The following GSE1 variants were observed in gnomAD, a reference collection of about 807,000 sequenced individuals.
The protein encoded by GSE1 is Gse1 coiled-coil protein, also known as genetic suppressor element 1.
Under a neutral mutation model 112.6 loss-of-function variants are expected in GSE1, and 32 were observed. The observed-to-expected ratio is 0.28, with a 90% CI of 0.21 to 0.38. The LOEUF is 0.38. Ranked by LOEUF, GSE1 falls within the 10% of genes least tolerant of loss-of-function variation. GSE1 has a pLI of 1.00. For synonymous variants in GSE1, 1,115 were observed against 735.6 expected (o/e 1.52, Z -8.35); for missense variants, 2,348 against 1,699.2 (o/e 1.38, Z -6.71).
intron 1 of GSE1, among the ~76,000 whole-genome samples, chr16:85,588,037 G>C (rs2046789532): frequency 6.6e-6 from 1 of 152,190 alleles, no homozygotes; most frequent in Non-Finnish European, 1.5e-5. Flanking sequence ...GGGAGGCAGT[G>C]TCTCTTCGTC....
At chr16:85,231,482 A>G (rs1904286336) in intron 1 of GSE1, among the ~76,000 whole-genome samples, 3 of 151,554 alleles carry the variant, frequency 2.0e-5, no homozygotes, top group African/African-American at 7.3e-5. Context: ...ATGGATGAAT[A>G]GATGGATGGA....
At chr16:85,648,869 C>T (rs1384233295) in intron 3 of GSE1, 118 bp downstream of exon 3, 2 of 551,500 alleles carry the variant, frequency 3.6e-6, no homozygotes, top group African/African-American at 2.0e-5. Context: ...CCCCCTCCCC[C>T]ACCCTGAGTT....
At chr16:85,437,166 C>T (rs894982311) in intron 2 of GSE1, among the ~76,000 whole-genome samples, 1 of 152,126 alleles carries the variant, frequency 6.6e-6, no homozygotes, top group African/African-American at 2.4e-5. Flanking sequence ...GTCCCCCAAC[C>T]CTCTGAGGCC....
At chr16:85,199,430 T>G (rs1423041354) in intron 1 of GSE1, among the ~76,000 whole-genome samples, 3 of 152,210 alleles carry the variant, frequency 2.0e-5, no homozygotes, top group Non-Finnish European at 4.4e-5. Flanking sequence ...GGGCCGAGTC[T>G]TCTGACCAAA....
intron 1 of GSE1, among the ~76,000 whole-genome samples, chr16:85,186,906 A>T (rs548629042): frequency 1.6e-4 from 25 of 152,118 alleles, no homozygotes; most frequent in Non-Finnish European, 2.9e-4. Flanking sequence ...TATCTCACTG[A>T]CCCTGTAAAC....
chr16:85,459,024 A>C (rs112767304), intron 2 of GSE1, among the ~76,000 whole-genome samples: 3,448 of 152,110 alleles, frequency 0.023, 125 homozygotes, highest in African/African-American at 0.079. Flanking sequence ...CGCTCCTGCC[A>C]CCCTGTGCCT....
rs1332950101 is a variant in GSE1 at position 85,661,686 on chromosome 16, T to G, written c.2181T>G (p.Asp727Glu). 5 of 1,609,464 alleles carry G rather than the reference T, an allele frequency of 3.1e-6. No homozygotes were observed. Among genetic ancestry groups the G allele is most frequent in the Non-Finnish European group, 4.2e-6 (5 of 1,178,532 alleles). ...CCCCCGACCCTGCCTACATCTATGA[T>G]GAGTTCCTGCAGCAGCGCCGGAGGC... ...PRAPDPAYIY[D>E]EFLQQRRRLV... The change falls in exon 9 of 16, where the codon GAT becomes GAG. Residue 727 changes from aspartate to glutamate, a missense_variant. By Grantham distance (45) the Asp-to-Glu change is conservative. Transcript: ENST00000253458.
chr16:85,613,871 G>T (rs1302070912), intron 1 of GSE1, among the ~76,000 whole-genome samples: 2 of 130,170 alleles, frequency 1.5e-5, no homozygotes, highest in Non-Finnish European at 3.3e-5. Context: ...GGGGGGGGGG[G>T]TGCTCGCTAC....
At chr16:85,479,953 C>A (rs755575713) in intron 2 of GSE1, among the ~76,000 whole-genome samples, 28 of 152,190 alleles carry the variant, frequency 1.8e-4, no homozygotes, top group Middle Eastern at 6.3e-3. Flanking sequence ...AGATTCAGAT[C>A]TGAGGACCCA....
intron 12 of GSE1, among the ~76,000 whole-genome samples, chr16:85,665,743 G>A (rs1406265897): frequency 6.6e-6 from 1 of 152,182 alleles, no homozygotes; most frequent in Non-Finnish European, 1.5e-5. Context: ...TTCTTCCTGT[G>A]GATCTGCTTC....
intron 1 of GSE1, among the ~76,000 whole-genome samples, chr16:85,317,583 A>C (rs1039431201): frequency 2.0e-5 from 3 of 151,992 alleles, no homozygotes; most frequent in African/African-American, 7.2e-5. Context: ...TGCGCCCTGC[A>C]CAGCCCCCAA....
At chr16:85,542,413 C>T (rs2044552196) in intron 2 of GSE1, among the ~76,000 whole-genome samples, 1 of 152,260 alleles carries the variant, frequency 6.6e-6, no homozygotes, top group Non-Finnish European at 1.5e-5. Context: ...CCACACTGCA[C>T]CTGCCACAGG....
rs143220642 is a variant in GSE1, at chr16:85,185,865, T to A, written c.2283+14058T>A. 4.3e-3 allele frequency among the ~76,000 whole-genome samples: 652 copies of A among 152,302 alleles called. 7 individuals carry two copies. Among genetic ancestry groups the A allele is most frequent in the African/African-American group, 0.013 (551 of 41,564 alleles). Reference sequence around the variant, plus strand: ...AAACTCTGGAGGGCCCTGCGGGGGCTGGGAGGGCCGTTGTCTAGGAGATGT... The same window carrying A: ...AAACTCTGGAGGGCCCTGCGGGGGCAGGGAGGGCCGTTGTCTAGGAGATGT... On this transcript the variant is annotated intron_variant, in intron 1 of 2. Transcript: ENST00000637419.
Position 85,253,977 on chromosome 16 carries a change from G to A in GSE1, c.2283+82170G>A, listed in dbSNP as rs904576474. Reference sequence around the variant, plus strand: ...AACATGTCTGGATGTCTGGAGCATCGTGTCTGGAAGGTGTGGGATGGAGCT... The same window carrying A: ...AACATGTCTGGATGTCTGGAGCATCATGTCTGGAAGGTGTGGGATGGAGCT... On this transcript the variant is annotated intron_variant, in intron 1 of 2. Coordinates refer to the GSE1 transcript ENST00000637419. Among the ~76,000 whole-genome samples, 9 of 152,222 alleles carry A rather than the reference G, an allele frequency of 5.9e-5. No individual in the cohort carries two copies. The East Asian group carries it at 1.7e-3, about 29-fold the overall frequency.
chr16:85,604,607 C>G (rs549750009), intron 1 of GSE1, among the ~76,000 whole-genome samples: 5 of 148,652 alleles, frequency 3.4e-5, no homozygotes, highest in Non-Finnish European at 7.4e-5. Context: ...CGTTGATGGT[C>G]ACATGGGCTG....
chr16:85,207,478 A>C (rs1352758565), intron 1 of GSE1, among the ~76,000 whole-genome samples: 1 of 152,220 alleles, frequency 6.6e-6, no homozygotes, highest in Admixed American at 6.5e-5. Context: ...CCTGCAGCCC[A>C]GCTGGGAGAG....
chr16:85,229,464 A>C (rs2075545034), intron 1 of GSE1, among the ~76,000 whole-genome samples: 2 of 152,236 alleles, frequency 1.3e-5, no homozygotes, highest in African/African-American at 4.8e-5. Context: ...TTCTCTGGCT[A>C]GTGCGGCATC....
intron 1 of GSE1, among the ~76,000 whole-genome samples, chr16:85,568,330 T>C (rs750503113): frequency 1.2e-4 from 19 of 152,198 alleles, no homozygotes; most frequent in Non-Finnish European, 2.1e-4. Context: ...TCCACAGTCA[T>C]GGCGGCCCCC....
At chr16:85,171,657 C>T in exon 1 of GSE1, 1 of 985,522 alleles carries the variant, frequency 1.0e-6, no homozygotes, top group African/African-American at 1.7e-5. Context: ...TCCTATACAC[C>T]CTGCGAGCAA....
Sources: gnomAD v4.1 joint callset for allele counts (sites outside exome capture counted in the v4.1 genomes callset) on GRCh38, gnomAD v4.1.1 for gene constraint, MANE v1.5 for transcripts, NCBI Gene and HGNC (gene_info 2026-07-23, HGNC 2026-07-21) for gene names.